The following C4orf51 variants were observed in gnomAD, a reference collection of about 807,000 sequenced individuals.
The protein encoded by C4orf51 is chromosome 4 open reading frame 51.
C4orf51 carries 25 observed loss-of-function variants against 25.2 expected under a neutral mutation model. That is an observed-to-expected ratio of 0.99 (90% CI 0.72 to 1.39). C4orf51 has a LOEUF of 1.39. Among genes scored for constraint, C4orf51 ranks in the 40% most tolerant of loss-of-function variants. The pLI is 0.00. For synonymous variants in C4orf51, 100 were observed against 84.5 expected, an observed-to-expected ratio of 1.18 and a Z score of -1.01; for missense variants, 252 against 239.6, an observed-to-expected ratio of 1.05 and a Z score of -0.34.
chr4:145,767,947 T>C (rs918949048), intron 1 of C4orf51, among the ~76,000 whole-genome samples: 5 of 152,186 alleles, frequency 3.3e-5, no homozygotes, highest in Non-Finnish European at 5.9e-5. Context: ...CATGGATAAA[T>C]TCATAATTTT....
intron 1 of C4orf51, among the ~76,000 whole-genome samples, chr4:145,688,101 T>A (rs1729289305): frequency 6.7e-6 from 1 of 149,736 alleles, no homozygotes; most frequent in Non-Finnish European, 1.5e-5. Context: ...CTCGGGAGGC[T>A]GAGGTGGGAA....
rs201477303 is a variant in C4orf51, at chr4:145,732,583, C to T, written c.*23C>T. 9 of 1,545,768 alleles carry T rather than the reference C, an allele frequency of 5.8e-6. No homozygotes were observed. Among genetic ancestry groups the T allele is most frequent in the Non-Finnish European group, 8.0e-6 (9 of 1,124,092 alleles). ...TGAGTTGGAAAATGAAGCCACAAGG[C>T]TGGAGGCGTGGAGTTTGCTTAATAA... On this transcript the variant is annotated 3_prime_UTR_variant, in exon 6 of 6. Transcript: ENST00000438731.
chr4:145,777,235 T>C, the C4orf51 span, among the ~76,000 whole-genome samples: 1 of 152,232 alleles, frequency 6.6e-6, no homozygotes, highest in Non-Finnish European at 1.5e-5. Flanking sequence ...TGTCCTTTCT[T>C]TAGAAGTTTT....
Position 145,698,646 on chromosome 4 carries a change from C to G in C4orf51, c.307+2014C>G, listed in dbSNP as rs567766186. On this transcript the variant is annotated intron_variant, in intron 2 of 5. Coordinates refer to ENST00000438731, the MANE Select transcript of C4orf51 (RefSeq NM_001080531.3). ...GTCTGTTCTATCAGTCTTAAGGTCT[C>G]TCTGTTGATGTTTGTGAGGCATGTC... 3.7e-4 allele frequency among the ~76,000 whole-genome samples: 57 copies of G among 152,246 alleles called. 2 individuals carry two copies. Among genetic ancestry groups the G allele is most frequent in the Admixed American group, 1.6e-3 (24 of 15,294 alleles).
chr4:145,721,190 C>CTTT, intron 2 of C4orf51, among the ~76,000 whole-genome samples: 1 of 151,424 alleles, frequency 6.6e-6, no homozygotes, highest in Non-Finnish European at 1.5e-5. Context: ...ACTAAAAATA[C>CTTT]AAAAATTAGC....
intron 2 of C4orf51, among the ~76,000 whole-genome samples, chr4:145,714,342 CT>C (rs1001055299): frequency 6.6e-6 from 1 of 152,096 alleles, no homozygotes; most frequent in Non-Finnish European, 1.5e-5. Flanking sequence ...ACATAATTAC[CT>C]TTTTTTATGG....
intron 1 of C4orf51, among the ~76,000 whole-genome samples, chr4:145,742,875 C>G (rs1188801832): frequency 1.3e-5 from 2 of 152,120 alleles, no homozygotes; most frequent in Non-Finnish European, 2.9e-5. Flanking sequence ...CTATTGTGAT[C>G]CACCTGGTGA....
Position 145,765,828 on chromosome 4 carries a change from T to G in C4orf51, n.167-5160T>G. On this transcript the variant is annotated intron_variant and non_coding_transcript_variant, in intron 1 of 1. Transcript: ENST00000510096. The surrounding 1 kb of genome is among the most constrained non-coding windows in gnomAD (Gnocchi z 4.7). ...AGGGTGACGAGTTGAGTCTCATGGA[T>G]GCATCATCATTCTGGGGGCACAGGC... is the stretch of plus-strand genomic sequence containing the variant. 7.5e-7 allele frequency: 1 copy of G among 1,330,392 alleles called. No individual in the cohort carries two copies. The highest frequency in any genetic ancestry group is 1.0e-6 in the Non-Finnish European group (1 of 970,088). The allele number at this position is 1,330,392 out of a possible 1,614,324, so 82.4% of individuals were successfully genotyped here.
intron 4 of C4orf51, among the ~76,000 whole-genome samples, chr4:145,729,644 C>T (rs994959065): frequency 3.3e-5 from 5 of 152,170 alleles, no homozygotes; most frequent in African/African-American, 1.2e-4. Context: ...CTGCTTCCTT[C>T]CTCCTGGCAC....
chr4:145,774,434 G>A (rs188915733), downstream of C4orf51: 1,012 of 1,522,226 alleles, frequency 6.6e-4, no homozygotes, highest in Non-Finnish European at 8.6e-4. Context: ...GGGATGCTTC[G>A]GCCAGGTGGC....
rs17020535 is a variant in C4orf51 at position 145,681,025 on chromosome 4, A to G, written c.233+589A>G. Among the ~76,000 whole-genome samples the G allele has an allele frequency of 5.9e-4, 90 of 152,248 alleles. 1 individual carries two copies. The highest frequency in any genetic ancestry group is 2.1e-3 in the African/African-American group (89 of 41,532). Reference sequence around the variant, plus strand: ...GTTGTGTGTCTGAAGAGAGCTCAGTAAAATAGGTTTCCTCCAAGCTGGTTT... The same window carrying G: ...GTTGTGTGTCTGAAGAGAGCTCAGTGAAATAGGTTTCCTCCAAGCTGGTTT... On this transcript the variant is annotated intron_variant, in intron 1 of 5. Coordinates refer to ENST00000438731, the MANE Select transcript of C4orf51 (RefSeq NM_001080531.3).
At chr4:145,715,456 G>C (rs570352845) in intron 2 of C4orf51, among the ~76,000 whole-genome samples, 1 of 152,134 alleles carries the variant, frequency 6.6e-6, no homozygotes, top group African/African-American at 2.4e-5. Flanking sequence ...GGGAAGAATC[G>C]TGGGCTGAGG....
the C4orf51 span, among the ~76,000 whole-genome samples, chr4:145,791,962 T>C: frequency 2.6e-5 from 4 of 152,108 alleles, no homozygotes; most frequent in African/African-American, 9.7e-5. Flanking sequence ...GCTTCCCTTA[T>C]ACTGCACACA....
exon 2 of C4orf51, chr4:145,771,032 G>T (rs945501585): frequency 2.0e-5 from 3 of 152,192 alleles, no homozygotes; most frequent in African/African-American, 7.2e-5. Flanking sequence ...TTTCCTTATG[G>T]TAAGTGGTTA....
chr4:145,727,898 T>TAC (rs1553966890), intron 3 of C4orf51, among the ~76,000 whole-genome samples: 1 of 42,830 alleles, frequency 2.3e-5, no homozygotes, highest in East Asian at 4.1e-4. Context: ...AAAATGTGTA[T>TAC]ATATATATAT....
intron 1 of C4orf51, among the ~76,000 whole-genome samples, chr4:145,686,008 A>G (rs1433352264): frequency 6.6e-6 from 1 of 152,234 alleles, no homozygotes; most frequent in Non-Finnish European, 1.5e-5. Context: ...CCAAAAGGTG[A>G]AAACAACCCA....
chr4:145,784,476 C>T, the C4orf51 span, among the ~76,000 whole-genome samples: 1 of 152,166 alleles, frequency 6.6e-6, no homozygotes, highest in South Asian at 2.1e-4. Flanking sequence ...AATCCCCCAT[C>T]CTGTGAAGAA....
chr4:145,783,950 T>A, the C4orf51 span, among the ~76,000 whole-genome samples: 1 of 152,108 alleles, frequency 6.6e-6, no homozygotes, highest in African/African-American at 2.4e-5. Flanking sequence ...TCGTGAATGG[T>A]TTAGCATGGT....
chr4:145,776,027 G>A (rs116595312), downstream of C4orf51: 3,340 of 1,574,536 alleles, frequency 2.1e-3, 6 homozygotes, highest in Non-Finnish European at 2.7e-3. Flanking sequence ...CACCTTGCAA[G>A]AATCAGTTAA....
Sources: gnomAD v4.1 joint callset for allele counts (sites outside exome capture counted in the v4.1 genomes callset) on GRCh38, gnomAD v4.1.1 for gene constraint, Gnocchi (gnomAD v3.1) non-coding constraint, MANE v1.5 for transcripts, NCBI Gene and HGNC (gene_info 2026-07-23, HGNC 2026-07-21) for gene names.